NT5C2: variants seen among roughly 807,000 people sequenced by gnomAD.
NT5C2 encodes the protein cytosolic purine 5'-nucleotidase.
Under a neutral mutation model 76.1 loss-of-function variants are expected in NT5C2, and 58 were observed. The ratio of observed to expected loss-of-function variants is 0.76; its 90% CI spans 0.62 to 0.95. The LOEUF is 0.95. Ranked by LOEUF, NT5C2 falls within the 40% of genes least tolerant of loss-of-function variation. NT5C2 has a pLI of 0.00. For missense variants in NT5C2, 478 were observed against 690.3 expected (o/e 0.69, Z 3.45); for synonymous variants, 229 against 237.4 (o/e 0.96, Z 0.32).
chr10:103,124,706 T>C (rs945021480), intron 4 of NT5C2, among the ~76,000 whole-genome samples: 2 of 151,924 alleles, frequency 1.3e-5, no homozygotes, highest in African/African-American at 4.8e-5. Flanking sequence ...TAAGTAACAA[T>C]GCTGGTGGTC....
chr10:103,152,486 C>A (rs1236521009), intron 3 of NT5C2, among the ~76,000 whole-genome samples: 10 of 152,104 alleles, frequency 6.6e-5, no homozygotes. Flanking sequence ...ATGTGAGGCT[C>A]TGGAACCACT....
intron 2 of NT5C2, among the ~76,000 whole-genome samples, chr10:103,179,095 C>T (rs554463087): frequency 8.1e-4 from 123 of 151,602 alleles, no homozygotes; most frequent in African/African-American, 2.9e-3. Flanking sequence ...ATTACAGGCA[C>T]GCACCACCTT....
intron 8 of NT5C2, 24 bp from the exon 9 acceptor site, chr10:103,100,043 G>C (rs758728091): frequency 6.7e-7 from 1 of 1,498,874 alleles, no homozygotes; most frequent in South Asian, 1.1e-5. Context: ...AAAATAACAT[G>C]ACAGGGGATC....
In NT5C2 at chr10:103,115,853, T is replaced by C. The variant is rs550922226; in HGVS notation, c.176-9147A>G. 3.9e-5 allele frequency among the ~76,000 whole-genome samples: 6 copies of C among 152,154 alleles called. No individual in the cohort carries two copies. The East Asian group carries it at 1.2e-3, about 29-fold the overall frequency. ...CATATGTAATATATATATCTAAAAA[T>C]AATAGTATTGAGGGTGTTTATCTCA... On this transcript the variant is annotated intron_variant, in intron 4 of 18. Transcript: ENST00000404739.
At chr10:103,139,541 A>G (rs2079979397) in intron 3 of NT5C2, 62 bp from the exon 4 acceptor site, 4 of 1,166,646 alleles carry the variant, frequency 3.4e-6, no homozygotes, top group Non-Finnish European at 1.2e-6. Context: ...AGTTTAATAA[A>G]GTTATTTGGC....
At chr10:103,090,823 C>T in intron 17 of NT5C2, 36 bp from the exon 18 acceptor site, 2 of 1,608,426 alleles carry the variant, frequency 1.2e-6, no homozygotes, top group South Asian at 2.2e-5. Context: ...TTGGCTCATT[C>T]AACAAATATT....
At chr10:103,096,401 T>A (rs1052661125) in intron 11 of NT5C2, among the ~76,000 whole-genome samples, 3 of 152,210 alleles carry the variant, frequency 2.0e-5, no homozygotes, top group African/African-American at 7.2e-5. Context: ...GGTGTCTAAA[T>A]CAAGTTTACA....
chr10:103,181,730 C>T (rs1324932400), intron 1 of NT5C2, among the ~76,000 whole-genome samples: 2 of 152,066 alleles, frequency 1.3e-5, no homozygotes, highest in African/African-American at 2.4e-5. Context: ...AAAGGCCTGG[C>T]GTGGTGGCTC....
chr10:103,091,006 AAAG>A lies in NT5C2; in HGVS notation c.1212-13_1212-11del. The A allele has an allele frequency of 1.2e-6, 2 of 1,611,518 alleles. No individual in the cohort carries two copies. The highest frequency in any genetic ancestry group is 1.7e-6 in the Non-Finnish European group (2 of 1,178,742). ...ACTGCTGTCAAGATGCCTAAAGATA[AAAG>A]AAAAACTCAGTGAAAATCTCTGGGA... is the stretch of plus-strand genomic sequence containing the variant. On this transcript the variant is annotated splice_polypyrimidine_tract_variant and intron_variant, in intron 16 of 18. Transcript: ENST00000404739.
At chr10:103,108,506 T>C (rs758049264) in intron 4 of NT5C2, among the ~76,000 whole-genome samples, 2 of 152,194 alleles carry the variant, frequency 1.3e-5, no homozygotes, top group Non-Finnish European at 2.9e-5. Flanking sequence ...AAACAATCCT[T>C]TAGAATATTT....
chr10:103,164,107 T>A (rs1028763730), intron 3 of NT5C2, among the ~76,000 whole-genome samples: 1 of 151,966 alleles, frequency 6.6e-6, no homozygotes, highest in Non-Finnish European at 1.5e-5. Context: ...TAGCTAGGTG[T>A]GGTGGTGTGC....
intron 3 of NT5C2, among the ~76,000 whole-genome samples, chr10:103,146,869 G>T (rs1414802780): frequency 6.6e-6 from 1 of 152,120 alleles, no homozygotes; most frequent in East Asian, 1.9e-4. Flanking sequence ...TAATTGCTTT[G>T]AAGTAGTGCT....
intron 3 of NT5C2, among the ~76,000 whole-genome samples, chr10:103,171,358 T>C (rs985892169): frequency 1.3e-5 from 2 of 152,238 alleles, no homozygotes; most frequent in African/African-American, 2.4e-5. Flanking sequence ...AGACTGCACT[T>C]AGAAATTTTT....
At position 103,089,618 on chromosome 10, in the gene NT5C2, T is replaced by A; in HGVS notation, c.*54A>T. The A allele has an allele frequency of 6.6e-7, 1 of 1,513,082 alleles. No individual in the cohort carries two copies. Among genetic ancestry groups the A allele is most frequent in the South Asian group, 1.3e-5 (1 of 74,248 alleles). 93.7% of individuals were successfully genotyped at this position (1,513,082 alleles called of 1,614,324 possible). On this transcript the variant is annotated 3_prime_UTR_variant, in exon 19 of 19. Transcript: ENST00000404739. Reference sequence around the variant, plus strand: ...CCCTAACAGGGACCTCGTTTGTTCCTGTGAGTCCTGCCAGGACTTGTTTAA... The same window carrying A: ...CCCTAACAGGGACCTCGTTTGTTCCAGTGAGTCCTGCCAGGACTTGTTTAA...
intron 2 of NT5C2, chr10:103,175,568 C>T: frequency 5.0e-6 from 1 of 201,640 alleles, no homozygotes; most frequent in East Asian, 1.1e-4. Context: ...GCAGCCAGAG[C>T]TCCAAGGCTC....
At chr10:103,147,299 T>C (rs139280869) in intron 3 of NT5C2, among the ~76,000 whole-genome samples, 11 of 152,386 alleles carry the variant, frequency 7.2e-5, no homozygotes, top group African/African-American at 2.6e-4. Flanking sequence ...TGATCTTACA[T>C]TGTCCCACAT....
At chr10:103,137,909 C>G (rs1163887888) in intron 4 of NT5C2, among the ~76,000 whole-genome samples, 4 of 152,134 alleles carry the variant, frequency 2.6e-5, no homozygotes, top group Admixed American at 6.5e-5. Context: ...ATGAAAAAAG[C>G]TAATGGCTCT....
At chr10:103,102,768 G>A (rs2070125536) in intron 6 of NT5C2, among the ~76,000 whole-genome samples, 1 of 152,068 alleles carries the variant, frequency 6.6e-6, no homozygotes, top group Non-Finnish European at 1.5e-5. Context: ...AAGAAGTGAT[G>A]TGAGAGTAGT....
intron 1 of NT5C2, among the ~76,000 whole-genome samples, chr10:103,186,287 T>C (rs1036669409): frequency 6.6e-6 from 1 of 152,198 alleles, no homozygotes; most frequent in African/African-American, 2.4e-5. Context: ...GGCTGAGACA[T>C]GGAAATTGGT....
Sources: allele counts gnomAD v4.1 joint callset (sites outside exome capture counted in the v4.1 genomes callset), GRCh38; gene constraint gnomAD v4.1.1; transcripts MANE v1.5; gene names NCBI Gene and HGNC (gene_info 2026-07-23, HGNC 2026-07-21).